PTPRD: variants seen among roughly 807,000 people sequenced by gnomAD.
PTPRD encodes the protein receptor-type tyrosine-protein phosphatase delta.
Under a neutral mutation model 214.5 loss-of-function variants are expected in PTPRD, and 34 were observed. The observed-to-expected ratio is 0.16, with a 90% CI of 0.12 to 0.21. The LOEUF (loss-of-function observed/expected upper bound fraction) is 0.21, where lower values mean the gene tolerates loss of function less well. Ranked by LOEUF, PTPRD falls within the 10% of genes least tolerant of loss-of-function variation. The probability of loss-of-function intolerance (pLI) is 1.00; values close to 1 mark genes in which losing one functional copy is unlikely to be tolerated. For missense variants in PTPRD, 2,545 were observed against 2,398.7 expected (o/e 1.06, Z -1.27); for synonymous variants, 1,128 against 845.7 (o/e 1.33, Z -5.79).
At chr9:10,160,662 G>T (rs192756688) in intron 3 of PTPRD, among the ~76,000 whole-genome samples, 5 of 151,774 alleles carry the variant, frequency 3.3e-5, no homozygotes, top group Admixed American at 2.6e-4. Flanking sequence ...TTTATGTCTA[G>T]AACAAAACAA....
intron 35 of PTPRD, among the ~76,000 whole-genome samples, chr9:8,415,715 G>C (rs1589836226): frequency 6.6e-6 from 1 of 152,042 alleles, no homozygotes; most frequent in Admixed American, 6.6e-5. Context: ...TAGTAGGAGA[G>C]AAAGCAAGCC....
At chr9:10,410,272 C>T (rs865926519) in intron 2 of PTPRD, among the ~76,000 whole-genome samples, 3,670 of 65,324 alleles carry the variant, frequency 0.056, 132 homozygotes, top group African/African-American at 0.14. Flanking sequence ...TATATATATA[C>T]ACACACACAC....
At chr9:8,822,023 AG>A (rs1259057479) in intron 11 of PTPRD, among the ~76,000 whole-genome samples, 1 of 152,234 alleles carries the variant, frequency 6.6e-6, no homozygotes, top group African/African-American at 2.4e-5. Context: ...AGACAGTTAC[AG>A]GATTTGTTGC....
At chr9:10,549,248 T>C (rs982602393) in intron 2 of PTPRD, among the ~76,000 whole-genome samples, 2 of 152,158 alleles carry the variant, frequency 1.3e-5, no homozygotes, top group Admixed American at 6.6e-5. Flanking sequence ...TAGTTGAACA[T>C]AATGCAATGT....
intron 8 of PTPRD, among the ~76,000 whole-genome samples, chr9:9,459,555 C>T (rs1364058092): frequency 6.6e-6 from 1 of 151,898 alleles, no homozygotes; most frequent in Admixed American, 6.6e-5. Flanking sequence ...TCTGTACATC[C>T]ACCATTTTCG....
intron 3 of PTPRD, among the ~76,000 whole-genome samples, chr9:10,275,580 G>T (rs1272673226): frequency 1.3e-5 from 2 of 152,250 alleles, no homozygotes; most frequent in African/African-American, 2.4e-5. Flanking sequence ...TTGGGGAAAT[G>T]AAGGGAAGTT....
chr9:9,912,075 AAT>A lies in PTPRD; in HGVS notation c.-368+26430_-368+26431del, dbSNP rs529550435. On this transcript the variant is annotated intron_variant, in intron 5 of 45. Transcript: ENST00000381196. Reference sequence around the variant, plus strand: ...TCTACAGCCTTGCTGATATATCTGCAATATATATTGTAAGTGGGGGAAAAATA... The same window carrying A: ...TCTACAGCCTTGCTGATATATCTGCAATATATTGTAAGTGGGGGAAAAATA... 3.1e-4 allele frequency among the ~76,000 whole-genome samples: 47 copies of A among 152,300 alleles called. 2 individuals are homozygous for A. In the South Asian group the frequency reaches 9.3e-3, roughly 30 times the overall value.
In PTPRD at chr9:9,811,340, C is replaced by G. The variant is rs918707901; in HGVS notation, c.-367-44489G>C. 1.6e-4 allele frequency among the ~76,000 whole-genome samples: 25 copies of G among 152,192 alleles called. 1 individual carries two copies. Among genetic ancestry groups the G allele is most frequent in the African/African-American group, 6.0e-4 (25 of 41,542 alleles). ...AAGAGAACTAGAACTACAAGTGGAGCCTGAAGATGGGACAGCATTGCCAAA... is the reference window on the plus strand; with the variant it reads ...AAGAGAACTAGAACTACAAGTGGAGGCTGAAGATGGGACAGCATTGCCAAA... On this transcript the variant is annotated intron_variant, in intron 5 of 45. Transcript: ENST00000381196.
chr9:8,609,071 A>T (rs2095346664), intron 14 of PTPRD, among the ~76,000 whole-genome samples: 1 of 152,182 alleles, frequency 6.6e-6, no homozygotes, highest in Non-Finnish European at 1.5e-5. Context: ...ACAAAAACAA[A>T]ATTCTCACAT....
At chr9:9,047,534 T>G (rs2099675202) in intron 10 of PTPRD, among the ~76,000 whole-genome samples, 1 of 152,064 alleles carries the variant, frequency 6.6e-6, no homozygotes, top group East Asian at 1.9e-4. Context: ...ATCATAGTAC[T>G]GGCATAAAAA....
chr9:10,605,325 T>G (rs1351090466), intron 2 of PTPRD, among the ~76,000 whole-genome samples: 3 of 151,860 alleles, frequency 2.0e-5, no homozygotes, highest in South Asian at 2.1e-4. Context: ...TTCTATGAAT[T>G]TGGAAATATA....
chr9:8,692,902 C>T (rs566247334), intron 12 of PTPRD, among the ~76,000 whole-genome samples: 1 of 152,338 alleles, frequency 6.6e-6, no homozygotes, highest in African/African-American at 2.4e-5. Flanking sequence ...CAATGTTTGG[C>T]AGTAAACTAA....
At chr9:9,138,411 A>T (rs1027417152) in intron 10 of PTPRD, among the ~76,000 whole-genome samples, 3 of 152,188 alleles carry the variant, frequency 2.0e-5, no homozygotes, top group Non-Finnish European at 4.4e-5. Flanking sequence ...TACTATTTGC[A>T]CTTAAAAGTC....
At chr9:10,443,114 G>C (rs1484343931) in intron 2 of PTPRD, among the ~76,000 whole-genome samples, 1 of 150,572 alleles carries the variant, frequency 6.6e-6, no homozygotes, top group African/African-American at 2.4e-5. Flanking sequence ...GGCCTGGATG[G>C]TGTTTGTGTT....
chr9:9,881,332 T>C (rs1477982714), intron 5 of PTPRD, among the ~76,000 whole-genome samples: 3 of 152,144 alleles, frequency 2.0e-5, no homozygotes, highest in Non-Finnish European at 2.9e-5. Flanking sequence ...TCTCTCACCA[T>C]TGATGTTTCT....
At chr9:9,011,903 G>A (rs773751372) in intron 11 of PTPRD, among the ~76,000 whole-genome samples, 3 of 152,234 alleles carry the variant, frequency 2.0e-5, no homozygotes, top group Non-Finnish European at 2.9e-5. Context: ...CTGTCCCACT[G>A]AGTGTGGGCA....
chr9:8,655,863 A>G (rs1307833536), intron 12 of PTPRD, among the ~76,000 whole-genome samples: 1 of 151,992 alleles, frequency 6.6e-6, no homozygotes, highest in East Asian at 1.9e-4. Flanking sequence ...TTAAATAGAC[A>G]GTGCTATCCA....
intron 3 of PTPRD, among the ~76,000 whole-genome samples, chr9:10,275,986 A>G (rs186769238): frequency 1.3e-5 from 2 of 152,328 alleles, no homozygotes; most frequent in Admixed American, 1.3e-4. Context: ...AAATACATTT[A>G]TAAGCATTTG....
intron 4 of PTPRD, among the ~76,000 whole-genome samples, chr9:9,974,344 G>A (rs576725431): frequency 6.6e-6 from 1 of 152,200 alleles, no homozygotes; most frequent in East Asian, 1.9e-4. Context: ...CAAAATGTCT[G>A]CACCAAGCCT....
Sources: gnomAD v4.1 joint callset for allele counts (sites outside exome capture counted in the v4.1 genomes callset) on GRCh38, gnomAD v4.1.1 for gene constraint, MANE v1.5 for transcripts, NCBI Gene and HGNC (gene_info 2026-07-23, HGNC 2026-07-21) for gene names.